Variants in CD59 observed in about 807,000 individuals in gnomAD.
The protein encoded by CD59 is CD59 glycoprotein.
In CD59, 3 loss-of-function variants were observed where a neutral mutation model predicts 7.0. The observed-to-expected ratio is 0.43, with a 90% CI of 0.19 to 1.10. The LOEUF (loss-of-function observed/expected upper bound fraction) is 1.10. Among genes scored for constraint, CD59 ranks in the 50% least tolerant of loss-of-function variants. CD59 has a pLI of 0.29. For synonymous variants in CD59, 60 were observed against 62.0 expected (o/e 0.97, Z 0.15); for missense variants, 143 against 151.0 (o/e 0.95, Z 0.28).
chr11:33,717,525 G>A, intron 2 of CD59, 54 bp from the exon 3 acceptor site: 1 of 1,138,408 alleles, frequency 8.8e-7, no homozygotes, highest in Non-Finnish European at 1.3e-6. Flanking sequence ...CTTGTCCCCT[G>A]GCAGCCCACC....
intron 1 of CD59, among the ~76,000 whole-genome samples, chr11:33,723,218 G>T (rs1474851386): frequency 6.6e-6 from 1 of 152,148 alleles, no homozygotes; most frequent in Non-Finnish European, 1.5e-5. Flanking sequence ...GAAATAAGGA[G>T]GTGGCAGTGC....
chr11:33,719,420 G>C (rs1018407167), intron 2 of CD59: 1 of 152,214 alleles, frequency 6.6e-6, no homozygotes, highest in Non-Finnish European at 1.5e-5. Context: ...CCAGGAGTTT[G>C]AGACCACCCT....
rs1342236722 is a variant in CD59 at position 33,704,533 on chromosome 11, A to C, written c.*5593T>G. 2 of 152,180 alleles carry C rather than the reference A, an allele frequency of 1.3e-5. No individual in the cohort carries two copies. The highest frequency in any genetic ancestry group is 2.9e-5 in the Non-Finnish European group (2 of 68,026). 9.4% of individuals were successfully genotyped at this position (152,180 alleles called of 1,614,324 possible). A position where few individuals can be genotyped will look rare whatever the true frequency, so the allele number is the denominator to read the frequency against. ...GCTTCTACGACCTGCTGAGGACATA[A>C]TGATAAACACACACAAGAGGCTACT... On this transcript the variant is annotated 3_prime_UTR_variant, in exon 4 of 4. Transcript: ENST00000642928.
At chr11:33,717,549 T>C (rs745553321) in intron 2 of CD59, 78 bp from the exon 3 acceptor site, 3 of 873,506 alleles carry the variant, frequency 3.4e-6, no homozygotes, top group East Asian at 2.5e-5. Flanking sequence ...TCCATTAATA[T>C]GGGCCCAAAG....
intron 1 of CD59, among the ~76,000 whole-genome samples, chr11:33,729,990 T>G (rs12420580): frequency 0.12 from 17,785 of 152,108 alleles, 1,387 homozygotes; most frequent in Non-Finnish European, 0.16. Flanking sequence ...GATTTGCAAT[T>G]GAAAAAACTG....
intron 3 of CD59, among the ~76,000 whole-genome samples, chr11:33,710,747 G>C (rs946280014): frequency 6.7e-6 from 1 of 149,968 alleles, no homozygotes; most frequent in Non-Finnish European, 1.5e-5. Context: ...GAGAGATAAG[G>C]TCTCACTTTC....
intron 1 of CD59, among the ~76,000 whole-genome samples, chr11:33,732,502 C>A (rs922340549): frequency 6.6e-6 from 1 of 152,160 alleles, no homozygotes; most frequent in Non-Finnish European, 1.5e-5. Flanking sequence ...CAAAGAACTG[C>A]GAGCCAATTA....
At chr11:33,722,682 C>T (rs1165752128) in intron 1 of CD59, 3 of 1,356,002 alleles carry the variant, frequency 2.2e-6, no homozygotes, top group East Asian at 3.2e-5. Context: ...TACTACCACA[C>T]TGTGGGAATA....
chr11:33,735,633 T>C (rs1854545018), intron 1 of CD59, among the ~76,000 whole-genome samples: 1 of 152,116 alleles, frequency 6.6e-6, no homozygotes, highest in Admixed American at 6.6e-5. Flanking sequence ...AAACGTCCGT[T>C]TCGGCCGGGC....
intron 1 of CD59, among the ~76,000 whole-genome samples, chr11:33,724,336 G>A (rs997513876): frequency 6.6e-6 from 1 of 152,214 alleles, no homozygotes; most frequent in African/African-American, 2.4e-5. Context: ...GAAAGAAGTG[G>A]CCTGCTAAGA....
intron 1 of CD59, 22 bp from the exon 2 acceptor site, chr11:33,722,485 G>C: frequency 1.9e-6 from 3 of 1,612,878 alleles, no homozygotes; most frequent in Non-Finnish European, 1.7e-6. Context: ...GGACAGGAAG[G>C]AATGTCAGGA....
chr11:33,714,161 CA>C (rs1466259806), intron 3 of CD59, among the ~76,000 whole-genome samples: 5 of 152,182 alleles, frequency 3.3e-5, no homozygotes, highest in African/African-American at 1.2e-4. Context: ...TGTATAGCAC[CA>C]TCATATCTGT....
rs533392692 is a variant in CD59 at position 33,717,383 on chromosome 11, G to A, written c.156C>T (p.Leu52=). The change falls in exon 3 of 4, where the codon CTC becomes CTT. Residue 52 remains leucine (L), a synonymous_variant. Transcript: ENST00000642928. ...GGAGGCTCTTACCAGCTTTGGTAAT[G>A]AGACACGCATCAAAATCAGATGAAC... ...VNCSSDFDAC[L]ITKAGLQVYN... The A allele has an allele frequency of 3.4e-5, 55 of 1,611,320 alleles. 1 individual carries two copies. The South Asian group carries it at 5.5e-4, about 16-fold the overall frequency.
At chr11:33,714,129 T>C (rs1268583794) in intron 3 of CD59, among the ~76,000 whole-genome samples, 2 of 152,242 alleles carry the variant, frequency 1.3e-5, no homozygotes, top group Non-Finnish European at 1.5e-5. Context: ...GCAGCCAACC[T>C]GTCTCTCTTC....
At position 33,710,278 on chromosome 11, in the gene CD59, A is replaced by G. The variant is rs1853484743; in HGVS notation, c.235T>C (p.Leu79=). ...HCNFNDVTTR[L]RENELTYYCC... ...TAGTACGTTAGCTCATTTTCCCTCA[A>G]GCGGGTTGTGACGTCGTTGAAATTG... The change falls in exon 4 of 4, where the codon TTG becomes CTG. Residue 79 remains leucine, a synonymous_variant. Transcript: ENST00000642928. 1 of 1,614,088 alleles carries G rather than the reference A, an allele frequency of 6.2e-7. No homozygotes were observed. Among genetic ancestry groups the G allele is most frequent in the Non-Finnish European group, 8.5e-7 (1 of 1,180,036 alleles).
At chr11:33,719,119 G>T (rs1853933683) in intron 2 of CD59, 1 of 152,200 alleles carries the variant, frequency 6.6e-6, no homozygotes. Context: ...TGAAGGCTAG[G>T]TTTATCACCA....
At chr11:33,711,597 G>A in intron 3 of CD59, 1 of 565,842 alleles carries the variant, frequency 1.8e-6, no homozygotes, top group Non-Finnish European at 3.1e-6. Flanking sequence ...GGATCACTTG[G>A]ACTCAGGACT....
rs947445122 is a variant in CD59, at chr11:33,707,514, C to A, written c.*2612G>T. 1.3e-5 allele frequency: 2 copies of A among 152,274 alleles called. No homozygotes were observed. Among genetic ancestry groups the A allele is most frequent in the Admixed American group, 1.3e-4 (2 of 15,284 alleles). 9.4% of individuals were successfully genotyped at this position (152,274 alleles called of 1,614,324 possible). A position where few individuals can be genotyped will look rare whatever the true frequency, so the allele number is the denominator to read the frequency against. ...TTCCTTGCACCCCTAGCTCATCCCC[C>A]CAAGGGGACAATCCAATGGGCTTAT... is the stretch of plus-strand genomic sequence containing the variant. On this transcript the variant is annotated 3_prime_UTR_variant, in exon 4 of 4. Transcript: ENST00000642928.
chr11:33,722,498 G>T, intron 1 of CD59, 35 bp from the exon 2 acceptor site: 1 of 1,611,098 alleles, frequency 6.2e-7, no homozygotes, highest in Non-Finnish European at 8.5e-7. Context: ...TGTCAGGAAC[G>T]AACAAATGAC....
Sources: allele counts gnomAD v4.1 joint callset (sites outside exome capture counted in the v4.1 genomes callset), GRCh38; gene constraint gnomAD v4.1.1; transcripts MANE v1.5; gene names NCBI Gene and HGNC (gene_info 2026-07-23, HGNC 2026-07-21).